ADARB2: variants seen among roughly 807,000 people sequenced by gnomAD.
The protein encoded by ADARB2 is adenosine deaminase RNA specific B2 (inactive).
ADARB2 carries 25 observed loss-of-function variants against 62.2 expected under a neutral mutation model. That is an observed-to-expected ratio of 0.40 (90% CI 0.29 to 0.56). The LOEUF (loss-of-function observed/expected upper bound fraction) is 0.56, where lower values mean the gene tolerates loss of function less well. ADARB2 is among the 20% of genes least tolerant of loss of function. The probability of loss-of-function intolerance (pLI) is 0.43; values close to 1 mark genes in which losing one functional copy is unlikely to be tolerated. For missense variants in ADARB2, 1,071 were observed against 1,077.4 expected (o/e 0.99, Z 0.08); for synonymous variants, 572 against 500.8 (o/e 1.14, Z -1.90).
At chr10:1,340,970 C>A (rs575167599) in intron 3 of ADARB2, among the ~76,000 whole-genome samples, 1 of 150,762 alleles carries the variant, frequency 6.6e-6, no homozygotes, top group African/African-American at 2.4e-5. Context: ...GAACCACATG[C>A]CCCAAAGCAG....
chr10:1,611,187 C>T (rs1188461276), intron 1 of ADARB2, among the ~76,000 whole-genome samples: 6 of 152,142 alleles, frequency 3.9e-5, no homozygotes, highest in Admixed American at 3.9e-4. Context: ...AGGCTGAGGG[C>T]TGGGGGCTCT....
chr10:1,727,175 T>C (rs571337172), intron 1 of ADARB2, among the ~76,000 whole-genome samples: 10 of 152,330 alleles, frequency 6.6e-5, no homozygotes, highest in African/African-American at 2.4e-4. Flanking sequence ...ATTCGTGGTA[T>C]GCGGCGAGAC....
chr10:1,235,182 G>A (rs1589160839), intron 5 of ADARB2, among the ~76,000 whole-genome samples: 1 of 149,154 alleles, frequency 6.7e-6, no homozygotes, highest in Non-Finnish European at 1.5e-5. Flanking sequence ...GTTTGACGTA[G>A]CCTGAGTGGG....
At chr10:1,311,074 A>T (rs1255960546) in intron 3 of ADARB2, among the ~76,000 whole-genome samples, 1 of 152,226 alleles carries the variant, frequency 6.6e-6, no homozygotes, top group Non-Finnish European at 1.5e-5. Context: ...GCTGGGCAGC[A>T]TGGAGCCGTG....
At chr10:1,715,539 T>C (rs1835006934) in intron 1 of ADARB2, among the ~76,000 whole-genome samples, 1 of 152,214 alleles carries the variant, frequency 6.6e-6, no homozygotes, top group African/African-American at 2.4e-5. Flanking sequence ...TTAAGTATCC[T>C]GAAGCAGAAA....
In ADARB2 at chr10:1,481,843, T is replaced by C. The variant is rs373838714; in HGVS notation, c.101-102683A>G. ...CTGCACTCCAGCCTGGACGACAGAG[T>C]GAGACTCCATCTCAAAAAAAAAAAA... On this transcript the variant is annotated intron_variant, in intron 1 of 9. Coordinates refer to ENST00000381312, the MANE Select transcript of ADARB2 (RefSeq NM_018702.4). 1.0e-4 allele frequency among the ~76,000 whole-genome samples: 12 copies of C among 119,130 alleles called. No homozygotes were observed. In the East Asian group the frequency reaches 1.2e-3, roughly 12 times the overall value. 78.2% of individuals were successfully genotyped at this position (119,130 alleles called of 152,430 possible).
intron 1 of ADARB2, among the ~76,000 whole-genome samples, chr10:1,513,171 C>G (rs1043151044): frequency 6.6e-6 from 1 of 152,122 alleles, no homozygotes; most frequent in Non-Finnish European, 1.5e-5. Context: ...ATCAAAACAT[C>G]GTGTTGTACA....
At position 1,363,292 on chromosome 10, in the gene ADARB2, G is replaced by A. The variant is rs1407117550; in HGVS notation, c.813C>T (p.Pro271=). The A allele has an allele frequency of 1.4e-5, 17 of 1,233,668 alleles. 1 individual carries two copies. The South Asian group carries it at 3.4e-4, about 25-fold the overall frequency. 76.4% of individuals were successfully genotyped at this position (1,233,668 alleles called of 1,614,324 possible). A position where few individuals can be genotyped will look rare whatever the true frequency, so the allele number is the denominator to read the frequency against. Residue 271 remains proline, a synonymous_variant, in exon 3 of 10, where the codon CCC becomes CCT. Transcript: ENST00000381312. The part of the protein sequence containing the change: ...LDLVGPTPAT[P]AAPGERNPVV... ...CGGGGTTGCGCTCGCCCGGGGCCGCGGGGGTGGCGGGGGTCGGGCCCACCA... is the reference window on the plus strand; with the variant it reads ...CGGGGTTGCGCTCGCCCGGGGCCGCAGGGGTGGCGGGGGTCGGGCCCACCA...
At chr10:1,435,244 G>T (rs965376003) in intron 1 of ADARB2, among the ~76,000 whole-genome samples, 1 of 152,214 alleles carries the variant, frequency 6.6e-6, no homozygotes, top group Non-Finnish European at 1.5e-5. Context: ...GCTCAGACAG[G>T]TGTTGGTGAG....
intron 3 of ADARB2, among the ~76,000 whole-genome samples, chr10:1,304,554 C>A (rs1268795412): frequency 7.2e-5 from 11 of 152,298 alleles, no homozygotes; most frequent in Admixed American, 6.5e-4. Context: ...CTCTCCACCC[C>A]AAATCAACAG....
chr10:1,444,154 CCATCCATCCACCCACCCACTTACTCATT>C (rs1463981081), intron 1 of ADARB2, among the ~76,000 whole-genome samples: 1 of 151,938 alleles, frequency 6.6e-6, no homozygotes, highest in Non-Finnish European at 1.5e-5. Flanking sequence ...ACTCATTCAT[CCATCCATCCACCCACCCACTTACTCATT>C]CATCCATCCA....
chr10:1,737,416 G>A lies in ADARB2; in HGVS notation c.-266C>T, dbSNP rs1294394767. On this transcript the variant is annotated 5_prime_UTR_variant, in exon 1 of 10. Coordinates refer to ENST00000381312, the MANE Select transcript of ADARB2 (RefSeq NM_018702.4). ...TCAGGGAGGGCGGGGAAGGGCGCGC[G>A]GCGTCCTGAGTGCTCCGAGCTTCCC... is the stretch of plus-strand genomic sequence containing the variant. The A allele has an allele frequency of 2.1e-6, 1 of 468,686 alleles. No homozygotes were observed. Among genetic ancestry groups the A allele is most frequent in the Non-Finnish European group, 3.9e-6 (1 of 259,138 alleles). 29.0% of individuals were successfully genotyped at this position (468,686 alleles called of 1,614,324 possible).
rs866836640 is a variant in ADARB2, at chr10:1,593,269, A to G, written c.100+143782T>C. 3.9e-3 allele frequency among the ~76,000 whole-genome samples: 427 copies of G among 110,700 alleles called. 1 individual carries two copies. The highest frequency in any genetic ancestry group is 5.4e-3 in the Non-Finnish European group (295 of 54,236). The allele number at this position is 110,700 out of a possible 152,430, so 72.6% of individuals were successfully genotyped here. ...TCCCCTCTGTCACCCAGCTTCCCTC[A>G]CCCAAGCCACCCTCCATAGGTCTCC... On this transcript the variant is annotated intron_variant, in intron 1 of 9. Coordinates refer to ENST00000381312, the MANE Select transcript of ADARB2 (RefSeq NM_018702.4).
chr10:1,313,107 T>C (rs565446303), intron 3 of ADARB2, among the ~76,000 whole-genome samples: 66 of 152,178 alleles, frequency 4.3e-4, no homozygotes, highest in Admixed American at 1.2e-3. Flanking sequence ...GCTGAAGGCC[T>C]GGTGAGAGCC....
At chr10:1,526,277 A>T (rs1344863067) in intron 1 of ADARB2, among the ~76,000 whole-genome samples, 1 of 152,092 alleles carries the variant, frequency 6.6e-6, no homozygotes, top group East Asian at 1.9e-4. Context: ...GCAGTCATTA[A>T]CGAGCATGCC....
chr10:1,314,972 C>T (rs750685529), intron 3 of ADARB2, among the ~76,000 whole-genome samples: 2 of 152,138 alleles, frequency 1.3e-5, no homozygotes, highest in Admixed American at 6.5e-5. Flanking sequence ...GGGTGTCAGC[C>T]GCACTCTCCA....
intron 5 of ADARB2, among the ~76,000 whole-genome samples, chr10:1,234,802 G>A (rs1336585751): frequency 7.9e-6 from 1 of 126,796 alleles, no homozygotes; most frequent in Non-Finnish European, 1.6e-5. Context: ...AGGCTGCAGT[G>A]CAGTGGTGCA....
intron 8 of ADARB2, among the ~76,000 whole-genome samples, chr10:1,192,043 G>A (rs919818972): frequency 3.3e-5 from 5 of 151,386 alleles, no homozygotes; most frequent in South Asian, 4.2e-4. Flanking sequence ...ACTGTGGCTC[G>A]CGGAGCTATA....
intron 6 of ADARB2, among the ~76,000 whole-genome samples, chr10:1,219,606 C>T (rs1830664045): frequency 6.6e-6 from 1 of 152,172 alleles, no homozygotes; most frequent in Non-Finnish European, 1.5e-5. Context: ...CAAATAATGC[C>T]CAGCTCTTCC....
Sources: gnomAD v4.1 joint callset for allele counts (sites outside exome capture counted in the v4.1 genomes callset) on GRCh38, gnomAD v4.1.1 for gene constraint, MANE v1.5 for transcripts, NCBI Gene and HGNC (gene_info 2026-07-23, HGNC 2026-07-21) for gene names.